NAV2: variants seen among roughly 807,000 people sequenced by gnomAD.
NAV2 encodes the protein helicase, APC down-regulated 1.
In NAV2, 54 loss-of-function variants were observed where a neutral mutation model predicts 223.2. That is an observed-to-expected ratio of 0.24 (90% CI 0.19 to 0.30). NAV2 has a LOEUF of 0.30. Among genes scored for constraint, NAV2 ranks in the 10% least tolerant of loss-of-function variants. NAV2 has a pLI of 1.00. For synonymous variants in NAV2, 1,279 were observed against 1,239.3 expected, an observed-to-expected ratio of 1.03 and a Z score of -0.67; for missense variants, 2,806 against 3,147.5, an observed-to-expected ratio of 0.89 and a Z score of 2.60.
chr11:19,370,483 C>T (rs1264476010), intron 1 of NAV2, among the ~76,000 whole-genome samples: 6 of 152,222 alleles, frequency 3.9e-5, no homozygotes, highest in African/African-American at 1.4e-4. Context: ...CATCAAAGAC[C>T]TCAGATGGCA....
intron 1 of NAV2, among the ~76,000 whole-genome samples, chr11:19,436,577 C>G (rs150504499): frequency 6.6e-6 from 1 of 151,928 alleles, no homozygotes; most frequent in Non-Finnish European, 1.5e-5. Context: ...TCTCATGGTT[C>G]CATTGAATTT....
upstream of NAV2, among the ~76,000 whole-genome samples, chr11:19,709,997 C>A (rs773407179): frequency 8.5e-5 from 13 of 152,114 alleles, no homozygotes; most frequent in Non-Finnish European, 1.9e-4. Context: ...TCATGTTTAC[C>A]AATCCTAGAA....
intron 10 of NAV2, among the ~76,000 whole-genome samples, chr11:19,954,268 T>G (rs1206520016): frequency 6.6e-6 from 1 of 152,202 alleles, no homozygotes; most frequent in East Asian, 1.9e-4. Context: ...ATGTAAGCAT[T>G]TGGTCTTCCA....
At chr11:20,047,888 G>C (rs1037797885) in intron 14 of NAV2, among the ~76,000 whole-genome samples, 1 of 152,206 alleles carries the variant, frequency 6.6e-6, no homozygotes, top group African/African-American at 2.4e-5. Flanking sequence ...TAGAGCCTTT[G>C]CATTACTAGA....
chr11:19,499,967 T>C (rs1181646438), intron 1 of NAV2, among the ~76,000 whole-genome samples: 2 of 151,360 alleles, frequency 1.3e-5, no homozygotes, highest in Admixed American at 6.6e-5. Flanking sequence ...GCCCTGATTC[T>C]ATATATATAT....
chr11:19,494,322 A>G (rs1346621509), intron 1 of NAV2, among the ~76,000 whole-genome samples: 2 of 152,200 alleles, frequency 1.3e-5, no homozygotes, highest in Non-Finnish European at 2.9e-5. Flanking sequence ...CTTGGCTCAC[A>G]AGTGACAACA....
intron 6 of NAV2, among the ~76,000 whole-genome samples, chr11:19,931,308 T>C (rs1021499591): frequency 6.6e-6 from 1 of 152,084 alleles, no homozygotes; most frequent in African/African-American, 2.4e-5. Flanking sequence ...TTAGGGAGGA[T>C]TGTGAGGCAC....
intron 1 of NAV2, among the ~76,000 whole-genome samples, chr11:19,634,633 T>C (rs995592441): frequency 3.3e-5 from 5 of 152,230 alleles, no homozygotes; most frequent in Admixed American, 1.3e-4. Context: ...ACACATATTC[T>C]GGACCCCAGG....
At chr11:19,945,159 TCC>T (rs1288387345) in intron 8 of NAV2, among the ~76,000 whole-genome samples, 224 of 12,230 alleles carry the variant, frequency 0.018, 1 homozygote, top group African/African-American at 0.047. Flanking sequence ...CTGTCTCCCT[TCC>T]CTTCCCTTCC....
At chr11:19,977,986 G>GTTT (rs145867497) in intron 10 of NAV2, among the ~76,000 whole-genome samples, 1 of 144,356 alleles carries the variant, frequency 6.9e-6, no homozygotes, top group Non-Finnish European at 1.5e-5. Context: ...GTTTTTTTTT[G>GTTT]TTTTTTTTGG....
chr11:20,047,884 C>G (rs1288283410), intron 14 of NAV2, among the ~76,000 whole-genome samples: 1 of 152,178 alleles, frequency 6.6e-6, no homozygotes, highest in Non-Finnish European at 1.5e-5. Flanking sequence ...GTAATAGAGC[C>G]TTTGCATTAC....
Position 20,103,375 on chromosome 11 carries a change from T to C in NAV2, c.6538T>C (p.Phe2180Leu). ...LHHVSSLGEI[F>L]NGLLNCKYHK... ...CCACGTGAGCTCTCTGGGAGAGATC[T>C]TCAATGGGCTGCTCAACTGCAAGTA... Residue 2180 changes from phenylalanine (F) to leucine (L), a missense_variant, in exon 33 of 38, where the codon TTC becomes CTC. Physicochemically the swap from Phe to Leu is conservative, Grantham distance 22. Around this residue, in one of 4 missense-constraint regions of NAV2, gnomAD observed 824 missense variants for 1,069.4 expected, o/e 0.77. Coordinates refer to ENST00000349880, the MANE Select transcript of NAV2 (RefSeq NM_145117.5). The C allele has an allele frequency of 6.2e-7, 1 of 1,614,150 alleles. No individual in the cohort carries two copies. The highest frequency in any genetic ancestry group is 8.5e-7 in the Non-Finnish European group (1 of 1,179,992).
chr11:20,079,272 C>T (rs976351235), intron 24 of NAV2, among the ~76,000 whole-genome samples: 2 of 152,138 alleles, frequency 1.3e-5, no homozygotes, highest in Non-Finnish European at 2.9e-5. Context: ...AACTTCTGAC[C>T]TCAAGTGGTC....
At chr11:19,664,244 G>C (rs944198270) in intron 1 of NAV2, among the ~76,000 whole-genome samples, 2 of 152,176 alleles carry the variant, frequency 1.3e-5, no homozygotes, top group African/African-American at 4.8e-5. Flanking sequence ...TTACGCTCTT[G>C]ATTGAAGCCT....
chr11:19,723,563 C>T (rs2050954082), intron 1 of NAV2, among the ~76,000 whole-genome samples: 1 of 152,236 alleles, frequency 6.6e-6, no homozygotes, highest in South Asian at 2.1e-4. Flanking sequence ...TCCCTGGTCT[C>T]GGCCCTTCTT....
intron 12 of NAV2, among the ~76,000 whole-genome samples, chr11:20,038,080 A>C (rs550355609): frequency 6.6e-4 from 101 of 152,348 alleles, no homozygotes; most frequent in African/African-American, 2.3e-3. Context: ...CTGTACTGGA[A>C]GAATGTCCTT....
chr11:19,922,866 A>C (rs1272112342), intron 6 of NAV2, among the ~76,000 whole-genome samples: 1 of 152,112 alleles, frequency 6.6e-6, no homozygotes, highest in African/African-American at 2.4e-5. Flanking sequence ...TTCCTGTGTT[A>C]ATATAACCCA....
chr11:19,802,465 T>A (rs917615880), intron 1 of NAV2, among the ~76,000 whole-genome samples: 3 of 152,206 alleles, frequency 2.0e-5, no homozygotes, highest in Non-Finnish European at 4.4e-5. Context: ...CCACCTGTGA[T>A]CTGTGAACTG....
intron 1 of NAV2, among the ~76,000 whole-genome samples, chr11:19,818,281 A>G (rs1257663745): frequency 1.8e-5 from 2 of 110,666 alleles, no homozygotes; most frequent in Non-Finnish European, 3.3e-5. Flanking sequence ...TCACCTGTCT[A>G]TACTCAGTGA....
Sources: gnomAD v4.1 joint callset for allele counts (sites outside exome capture counted in the v4.1 genomes callset) on GRCh38, gnomAD v4.1.1 for gene constraint, gnomAD v4.1.1 regional missense constraint, MANE v1.5 for transcripts, NCBI Gene and HGNC (gene_info 2026-07-23, HGNC 2026-07-21) for gene names.